CCNH: variants seen among roughly 807,000 people sequenced by gnomAD.
CCNH encodes the protein cyclin-H.
CCNH carries 31 observed loss-of-function variants against 41.9 expected under a neutral mutation model. That is an observed-to-expected ratio of 0.74 (90% CI 0.56 to 1.00). The LOEUF is 1.00. Among genes scored for constraint, CCNH ranks in the 50% least tolerant of loss-of-function variants. The probability of loss-of-function intolerance (pLI) is 0.00; values close to 1 mark genes in which losing one functional copy is unlikely to be tolerated. For synonymous variants in CCNH, 138 were observed against 136.1 expected (o/e 1.01, Z -0.10); for missense variants, 362 against 388.4 (o/e 0.93, Z 0.57).
intron 9 of CCNH, among the ~76,000 whole-genome samples, chr5:87,346,989 A>G (rs1758911622): frequency 6.6e-6 from 1 of 151,820 alleles, no homozygotes; most frequent in African/African-American, 2.4e-5. Flanking sequence ...TTTTTCCCAT[A>G]TGTTTCTAGA....
At chr5:87,325,990 G>C (rs1004675005) in intron 9 of CCNH, among the ~76,000 whole-genome samples, 3 of 151,222 alleles carry the variant, frequency 2.0e-5, no homozygotes, top group Non-Finnish European at 4.4e-5. Flanking sequence ...TATTTCCCCT[G>C]TGACAGGGTC....
chr5:87,332,395 G>T, intron 9 of CCNH: 1 of 1,129,452 alleles, frequency 8.9e-7, no homozygotes, highest in South Asian at 1.4e-5. Context: ...TAAGGATATA[G>T]TTACAAGGAA....
chr5:87,351,598 A>G (rs1759282272), intron 9 of CCNH, among the ~76,000 whole-genome samples: 1 of 151,810 alleles, frequency 6.6e-6, no homozygotes, highest in Admixed American at 6.6e-5. Context: ...TACATTGAAT[A>G]TGCTTTAGTT....
At chr5:87,367,451 A>G (rs536020951) in intron 9 of CCNH, among the ~76,000 whole-genome samples, 123 of 152,278 alleles carry the variant, frequency 8.1e-4, no homozygotes, top group African/African-American at 2.8e-3. Context: ...GCAGTAGGTG[A>G]TTAGTGCGCA....
intron 1 of CCNH, chr5:87,412,399 GGCTCTTGCCAC>G: frequency 8.4e-7 from 1 of 1,192,572 alleles, no homozygotes. Flanking sequence ...ACAAGTGAAC[GGCTCTTGCCAC>G]GCACTACCTT....
At chr5:87,348,062 A>G (rs1440017299) in intron 9 of CCNH, among the ~76,000 whole-genome samples, 1 of 152,052 alleles carries the variant, frequency 6.6e-6, no homozygotes, top group South Asian at 2.1e-4. Context: ...TTCCTATCAT[A>G]TTCTAGAAGA....
upstream of CCNH, among the ~76,000 whole-genome samples, chr5:87,377,578 C>G (rs1336273217): frequency 4.6e-5 from 7 of 152,098 alleles, no homozygotes; most frequent in Non-Finnish European, 5.9e-5. Context: ...TTCAGGTGAT[C>G]CGCCTGCCTC....
intron 9 of CCNH, among the ~76,000 whole-genome samples, chr5:87,339,748 A>G (rs952997995): frequency 6.6e-6 from 1 of 152,196 alleles, no homozygotes; most frequent in African/African-American, 2.4e-5. Context: ...GCTAAAAATG[A>G]ATATAGTAAC....
downstream of CCNH, among the ~76,000 whole-genome samples, chr5:87,393,191 T>G (rs1431563001): frequency 6.6e-6 from 1 of 152,142 alleles, no homozygotes; most frequent in African/African-American, 2.4e-5. Context: ...GGTACCTACC[T>G]TTCTGGAAAG....
At chr5:87,340,681 G>A (rs777411316) in intron 9 of CCNH, among the ~76,000 whole-genome samples, 7 of 152,058 alleles carry the variant, frequency 4.6e-5, no homozygotes, top group Non-Finnish European at 8.8e-5. Context: ...CACTTTTTAC[G>A]GGCTCAGAAT....
intron 9 of CCNH, among the ~76,000 whole-genome samples, chr5:87,366,145 G>T (rs1185097066): frequency 6.6e-6 from 1 of 152,076 alleles, no homozygotes; most frequent in Non-Finnish European, 1.5e-5. Context: ...CAAATTATAT[G>T]TACAATACAA....
chr5:87,329,524 A>G (rs1474737931), intron 9 of CCNH, among the ~76,000 whole-genome samples: 1 of 152,178 alleles, frequency 6.6e-6, no homozygotes, highest in Non-Finnish European at 1.5e-5. Context: ...TATTTCTTAT[A>G]AAGTAGTAAT....
At chr5:87,411,448 C>T (rs1580470374) in intron 1 of CCNH, 102 bp from the exon 2 acceptor site, 5 of 1,127,374 alleles carry the variant, frequency 4.4e-6, no homozygotes, top group Non-Finnish European at 6.1e-6. Context: ...ATATATCCAA[C>T]GAAGGGTATA....
chr5:87,394,415 T>C lies in CCNH; in HGVS notation c.*31A>G, dbSNP rs201911074. 3 of 1,606,314 alleles carry C rather than the reference T, an allele frequency of 1.9e-6. No homozygotes were observed. The highest frequency in any genetic ancestry group is 2.6e-6 in the Non-Finnish European group (3 of 1,174,834). ...TGATATGCTTCCTACTTCTCTTGAT[T>C]AGTTAGCATTGAGAAATCAACTTCA... On this transcript the variant is annotated 3_prime_UTR_variant, in exon 9 of 9. Coordinates refer to ENST00000256897, the MANE Select transcript of CCNH (RefSeq NM_001239.4).
chr5:87,360,781 C>T (rs1760027761), intron 9 of CCNH, among the ~76,000 whole-genome samples: 1 of 152,170 alleles, frequency 6.6e-6, no homozygotes, highest in Non-Finnish European at 1.5e-5. Flanking sequence ...TGAGGTTTAT[C>T]AAAATCAATT....
Position 87,408,102 on chromosome 5 carries a change from A to T in CCNH, c.399T>A (p.Pro133=). ...GTTCAAGTGCCTTCTCCTGTCCAAG[A>T]GGACTCTCCCGGAGGTTTCCAACAA... is the stretch of plus-strand genomic sequence containing the variant. ...PQFVGNLRES[P]LGQEKALEQI... is the part of the protein sequence containing the mutation. Residue 133 remains proline (P), a synonymous_variant, in exon 4 of 9, where the codon CCT becomes CCA. Coordinates refer to ENST00000256897, the MANE Select transcript of CCNH (RefSeq NM_001239.4). 5 of 1,613,522 alleles carry T rather than the reference A, an allele frequency of 3.1e-6. No homozygotes were observed. Among genetic ancestry groups the T allele is most frequent in the Non-Finnish European group, 4.2e-6 (5 of 1,179,564 alleles).
chr5:87,316,581 A>G (rs1756357710), downstream of CCNH, among the ~76,000 whole-genome samples: 1 of 152,128 alleles, frequency 6.6e-6, no homozygotes, highest in Non-Finnish European at 1.5e-5. Context: ...AAATTTCTAG[A>G]CCTGTCCCAC....
chr5:87,364,128 C>G (rs1760326284), intron 9 of CCNH, among the ~76,000 whole-genome samples: 1 of 152,040 alleles, frequency 6.6e-6, no homozygotes, highest in African/African-American at 2.4e-5. Context: ...TTTAGATGTA[C>G]TTACCATTTT....
intron 5 of CCNH, among the ~76,000 whole-genome samples, chr5:87,403,817 A>G (rs1049720197): frequency 1.3e-5 from 2 of 152,138 alleles, no homozygotes; most frequent in Non-Finnish European, 2.9e-5. Flanking sequence ...AAATTAATGG[A>G]AGTCCACATC....
Sources: allele counts gnomAD v4.1 joint callset (sites outside exome capture counted in the v4.1 genomes callset), GRCh38; gene constraint gnomAD v4.1.1; transcripts MANE v1.5; gene names NCBI Gene and HGNC (gene_info 2026-07-23, HGNC 2026-07-21).